The following HK1 variants were observed in gnomAD, a reference collection of about 807,000 sequenced individuals.
HK1 encodes hexokinase-1.
In HK1, 28 loss-of-function variants were observed where a neutral mutation model predicts 91.6. That is an observed-to-expected ratio of 0.31 (90% CI 0.23 to 0.42). The LOEUF (loss-of-function observed/expected upper bound fraction) is 0.42. Among genes scored for constraint, HK1 ranks in the 10% least tolerant of loss-of-function variants. The pLI is 1.00. For synonymous variants in HK1, 430 were observed against 468.1 expected, an observed-to-expected ratio of 0.92 and a Z score of 1.05; for missense variants, 770 against 1,219.8, an observed-to-expected ratio of 0.63 and a Z score of 5.49.
upstream of HK1, among the ~76,000 whole-genome samples, chr10:69,313,478 T>C (rs1846476782): frequency 6.6e-6 from 1 of 152,210 alleles, no homozygotes; most frequent in Non-Finnish European, 1.5e-5. Flanking sequence ...TACATATTTT[T>C]TGAGACGGAA....
intron 4 of HK1, among the ~76,000 whole-genome samples, chr10:69,367,917 T>C (rs1486697449): frequency 6.6e-6 from 1 of 152,252 alleles, no homozygotes; most frequent in Non-Finnish European, 1.5e-5. Flanking sequence ...TTGATGTTTC[T>C]CTGCTAATAT....
intron 1 of HK1, chr10:69,338,653 A>G: frequency 7.0e-6 from 9 of 1,287,478 alleles, no homozygotes; most frequent in Middle Eastern, 3.0e-4. Context: ...AGCACCTAAG[A>G]GAAGGGGACA....
chr10:69,302,062 A>C (rs1845900817), intron 5 of HK1, among the ~76,000 whole-genome samples: 1 of 152,138 alleles, frequency 6.6e-6, no homozygotes, highest in East Asian at 2.0e-4. Flanking sequence ...CCTTGCCAAC[A>C]TGGTGAAACC....
chr10:69,359,103 C>T (rs998262628), intron 2 of HK1, among the ~76,000 whole-genome samples: 1 of 151,598 alleles, frequency 6.6e-6, no homozygotes, highest in Non-Finnish European at 1.5e-5. Context: ...ACCTTGAAAA[C>T]GTTATGCTAA....
chr10:69,400,908 G>T, intron 17 of HK1, 83 bp from the exon 18 acceptor site: 1 of 1,407,726 alleles, frequency 7.1e-7, no homozygotes, highest in Non-Finnish European at 1.0e-6. Flanking sequence ...CAGTCAGGGG[G>T]CTGTCTGTGC....
upstream of HK1, chr10:69,318,123 C>T: frequency 2.0e-6 from 2 of 985,466 alleles, no homozygotes; most frequent in African/African-American, 3.5e-5. Context: ...GAGCTGGTGA[C>T]TCGGGGGCGG....
intron 1 of HK1, among the ~76,000 whole-genome samples, chr10:69,340,360 A>G (rs10998728): frequency 0.23 from 35,304 of 152,176 alleles, 4,353 homozygotes; most frequent in African/African-American, 0.27. Context: ...CGCGATTCTC[A>G]TATCTCAGTC....
chr10:69,312,547 CT>C (rs78282542), upstream of HK1, among the ~76,000 whole-genome samples: 94 of 147,268 alleles, frequency 6.4e-4, no homozygotes, highest in Non-Finnish European at 7.4e-4. Context: ...CCATATAGCC[CT>C]TTTTTTTTTT....
At chr10:69,337,951 T>A (rs1848074107) in intron 1 of HK1, 1 of 154,576 alleles carries the variant, frequency 6.5e-6, no homozygotes, top group Non-Finnish European at 1.4e-5. Context: ...GTGCATGTTC[T>A]GTTGGGAGCA....
At chr10:69,316,219 G>A (rs1389807520), upstream of HK1, among the ~76,000 whole-genome samples, 1 of 152,108 alleles carries the variant, frequency 6.6e-6, no homozygotes, top group Non-Finnish European at 1.5e-5. Context: ...GGGAAAGAGT[G>A]GAGTCGATTA....
intron 14 of HK1, among the ~76,000 whole-genome samples, chr10:69,390,530 G>C (rs1839850325): frequency 6.6e-6 from 1 of 152,186 alleles, no homozygotes; most frequent in South Asian, 2.1e-4. Flanking sequence ...TCTTCTCTCA[G>C]TTTTAACCTT....
rs1180320808 is a variant in HK1 at position 69,386,101 on chromosome 10, G to A, written c.1840-222G>A. On this transcript the variant is annotated intron_variant, in intron 12 of 17. Transcript: ENST00000359426. The stretch of plus-strand genomic sequence containing the variant: ...ACTTAGACATTGCTATTTACCTAAT[G>A]TGCCTCATGCTCCATCTGTGAAGTG... Among the ~76,000 whole-genome samples, 4 of 104,520 alleles carry A rather than the reference G, an allele frequency of 3.8e-5. No individual in the cohort carries two copies. In the Admixed American group the frequency reaches 4.1e-4, roughly 11 times the overall value. The allele number at this position is 104,520 out of a possible 152,430, so 68.6% of individuals were successfully genotyped here.
intron 3 of HK1, chr10:69,292,179 T>G: frequency 3.9e-6 from 1 of 255,246 alleles, no homozygotes; most frequent in South Asian, 3.4e-5. Context: ...CAACTGATCC[T>G]CTTGCCTCAG....
exon 2 of HK1, chr10:69,282,536 A>G (rs2132432359): frequency 6.6e-6 from 1 of 152,186 alleles, no homozygotes; most frequent in East Asian, 1.9e-4. Context: ...CAGGACTTCA[A>G]CTAACCAACT....
chr10:69,330,041 T>C (rs1847620726), intron 1 of HK1, among the ~76,000 whole-genome samples: 1 of 152,200 alleles, frequency 6.6e-6, no homozygotes, highest in Admixed American at 6.5e-5. Flanking sequence ...ATGCTTAACC[T>C]GCATGAAAAC....
chr10:69,292,244 AT>A (rs754360674), intron 3 of HK1: 235 of 322,356 alleles, frequency 7.3e-4, no homozygotes, highest in Middle Eastern at 1.5e-3. Flanking sequence ...CCAGTTTTTA[AT>A]TTTTTTTTGT....
intron 1 of HK1, among the ~76,000 whole-genome samples, chr10:69,336,935 G>A (rs896141971): frequency 8.5e-5 from 13 of 152,072 alleles, no homozygotes; most frequent in African/African-American, 3.1e-4. Flanking sequence ...GTGAGCCACC[G>A]TGCCTGGCCG....
intron 9 of HK1, 81 bp from the exon 10 acceptor site, chr10:69,382,406 G>C (rs1839433537): frequency 7.2e-7 from 1 of 1,395,870 alleles, no homozygotes; most frequent in African/African-American, 1.4e-5. Context: ...GAGTTAAAGA[G>C]TGGAGAAAGA....
intron 2 of HK1, among the ~76,000 whole-genome samples, chr10:69,284,911 G>T (rs1844945057): frequency 6.6e-6 from 1 of 152,036 alleles, no homozygotes. Context: ...CTGCCTCCTG[G>T]GTTCACGCCA....
Sources: allele counts gnomAD v4.1 joint callset (sites outside exome capture counted in the v4.1 genomes callset), GRCh38; gene constraint gnomAD v4.1.1; transcripts MANE v1.5; gene names NCBI Gene and HGNC (gene_info 2026-07-23, HGNC 2026-07-21).